Variants in SEC24A observed in about 807,000 individuals in gnomAD.
SEC24A encodes the protein SEC24 homolog A, COPII component.
SEC24A carries 93 observed loss-of-function variants against 129.4 expected under a neutral mutation model. The observed-to-expected ratio is 0.72, with a 90% confidence interval of 0.61 to 0.85. SEC24A has a LOEUF of 0.85. Ranked by LOEUF, SEC24A falls within the 40% of genes least tolerant of loss-of-function variation. The pLI, the probability that SEC24A is intolerant of heterozygous loss-of-function variation, is 0.00. For missense variants in SEC24A, 1,264 were observed against 1,307.4 expected, an observed-to-expected ratio of 0.97 and a Z score of 0.51; for synonymous variants, 460 against 467.3, an observed-to-expected ratio of 0.98 and a Z score of 0.20.
rs191348170 is a variant in SEC24A, at chr5:134,708,959, A to G, written c.2727+71A>G. 4.6e-5 allele frequency: 67 copies of G among 1,458,202 alleles called. No individual in the cohort carries two copies. In the Admixed American group the frequency reaches 1.3e-3, roughly 29 times the overall value. The allele number at this position is 1,458,202 out of a possible 1,614,324, so 90.3% of individuals were successfully genotyped here. On this transcript the variant is annotated intron_variant, in intron 18 of 22. Transcript: ENST00000398844. ...TGTGGCCTACACCTGCAATCCCAGC[A>G]CTTTGGGTGGCTGACGTGGGTGGAT...
chr5:134,680,069 G>A (rs1436475686), intron 8 of SEC24A, among the ~76,000 whole-genome samples: 1 of 152,112 alleles, frequency 6.6e-6, no homozygotes, highest in Admixed American at 6.6e-5. Flanking sequence ...TCTCTAGGGT[G>A]AAAGAAAATA....
At chr5:134,668,736 A>C (rs548888827) in intron 3 of SEC24A, among the ~76,000 whole-genome samples, 19 of 149,964 alleles carry the variant, frequency 1.3e-4, no homozygotes, top group South Asian at 2.1e-4. Context: ...CACACACACA[A>C]AAAAAACCAA....
chr5:134,705,072 A>T (rs867474294), intron 16 of SEC24A, among the ~76,000 whole-genome samples: 38 of 104,968 alleles, frequency 3.6e-4, no homozygotes, highest in South Asian at 5.6e-4. Context: ...ATTTATATTT[A>T]TATATATATA....
Position 134,705,629 on chromosome 5 carries a change from T to G in SEC24A, c.2551+192T>G, listed in dbSNP as rs184010539. ...TTTTTGTTTGTTTATTTAAACAAATTTATTGAGATATAATTACATACCATA... is the reference window on the plus strand; with the variant it reads ...TTTTTGTTTGTTTATTTAAACAAATGTATTGAGATATAATTACATACCATA... On this transcript the variant is annotated intron_variant, in intron 17 of 22. Coordinates refer to ENST00000398844, the MANE Select transcript of SEC24A (RefSeq NM_021982.3). Among the ~76,000 whole-genome samples the G allele has an allele frequency of 7.8e-4, 119 of 152,280 alleles. No individual in the cohort carries two copies. In the East Asian group the frequency reaches 0.02, roughly 25 times the overall value.
chr5:134,664,205 TGAACCTTCAAA>T (rs1057147846), intron 2 of SEC24A, among the ~76,000 whole-genome samples: 108 of 152,352 alleles, frequency 7.1e-4, no homozygotes, highest in African/African-American at 2.5e-3. Context: ...TTTTCTCATT[TGAACCTTCAAA>T]GAACCTTCAA....
chr5:134,697,801 G>T, intron 14 of SEC24A, 98 bp from the exon 15 acceptor site: 1 of 1,253,480 alleles, frequency 8.0e-7, no homozygotes. Flanking sequence ...AGTTTACCTT[G>T]GAAAGTTAAA....
rs1046038708 is a variant in SEC24A, at chr5:134,661,693, T to A, written c.565+107T>A. 9 of 907,538 alleles carry A rather than the reference T, an allele frequency of 9.9e-6. No homozygotes were observed. In the Admixed American group the frequency reaches 2.3e-4, roughly 24 times the overall value. 56.2% of individuals were successfully genotyped at this position (907,538 alleles called of 1,614,324 possible). A position where few individuals can be genotyped will look rare whatever the true frequency, so the allele number is the denominator to read the frequency against. On this transcript the variant is annotated intron_variant, in intron 2 of 22. Transcript: ENST00000398844. ...TGAAAACCATATGGAAAATGTGACT[T>A]TTAAAATTATTAGTAGTTTTTTGTT...
rs1286027675 is a variant in SEC24A at position 134,682,386 on chromosome 5, C to T, written c.1395C>T (p.Phe465=). ...AACTTTATATAGTTCCTGAAGAATTCTTGTACAACCCTTTGACCAGAGTTT... is the reference window on the plus strand; with the variant it reads ...AACTTTATATAGTTCCTGAAGAATTTTTGTACAACCCTTTGACCAGAGTTT... ...CYRVNDVPEE[F]LYNPLTRVYG... The change falls in exon 9 of 23, where the codon TTC becomes TTT. Residue 465 remains phenylalanine (F), a synonymous_variant. Coordinates refer to ENST00000398844, the MANE Select transcript of SEC24A (RefSeq NM_021982.3). 7 of 1,581,782 alleles carry T rather than the reference C, an allele frequency of 4.4e-6. No homozygotes were observed. Among genetic ancestry groups the T allele is most frequent in the Non-Finnish European group, 6.1e-6 (7 of 1,153,766 alleles).
At chr5:134,693,281 G>A in intron 12 of SEC24A, 1 of 1,411,818 alleles carries the variant, frequency 7.1e-7, no homozygotes, top group Non-Finnish European at 9.2e-7. Flanking sequence ...ACCTGTAAAG[G>A]TAGTTGTTTT....
intron 7 of SEC24A, among the ~76,000 whole-genome samples, chr5:134,678,464 T>TC (rs1261788169): frequency 6.6e-6 from 1 of 151,730 alleles, no homozygotes; most frequent in East Asian, 1.9e-4. Flanking sequence ...ATTTAAAAAC[T>TC]CTTTTTTTTT....
At chr5:134,713,472 G>T (rs549262351) in intron 18 of SEC24A, among the ~76,000 whole-genome samples, 1 of 151,984 alleles carries the variant, frequency 6.6e-6, no homozygotes, top group South Asian at 2.1e-4. Flanking sequence ...TCCCTTAATA[G>T]GATGTAAGCT....
chr5:134,675,983 T>G, intron 6 of SEC24A, 40 bp from the exon 7 acceptor site: 1 of 1,374,024 alleles, frequency 7.3e-7, no homozygotes, highest in Non-Finnish European at 1.0e-6. Flanking sequence ...TCAAAAATAA[T>G]CATAGCAGCA....
chr5:134,703,473 A>G (rs1376054014), intron 15 of SEC24A, among the ~76,000 whole-genome samples: 1 of 152,026 alleles, frequency 6.6e-6, no homozygotes, highest in African/African-American at 2.4e-5. Context: ...TCACCATGTT[A>G]TTGGCCAGGC....
At chr5:134,710,393 C>T (rs1752287962) in intron 18 of SEC24A, among the ~76,000 whole-genome samples, 1 of 151,916 alleles carries the variant, frequency 6.6e-6, no homozygotes, top group Non-Finnish European at 1.5e-5. Context: ...CACCACACCC[C>T]AGCTAATTTT....
intron 20 of SEC24A, among the ~76,000 whole-genome samples, chr5:134,718,923 T>C (rs1055531765): frequency 6.6e-6 from 1 of 150,820 alleles, no homozygotes; most frequent in African/African-American, 2.4e-5. Flanking sequence ...TGAGCCAAGA[T>C]TGCACCACTG....
rs916460607 is a variant in SEC24A, at chr5:134,682,712, C to T, written c.1491+230C>T. Among the ~76,000 whole-genome samples, 4 of 150,612 alleles carry T rather than the reference C, an allele frequency of 2.7e-5. No individual in the cohort carries two copies. The South Asian group carries it at 8.5e-4, about 32-fold the overall frequency. On this transcript the variant is annotated intron_variant, in intron 9 of 22. Transcript: ENST00000398844. ...ACCTCAGCCTCCTGAGTAGCTGGGG[C>T]TATAGGCACGCACCACCACACCTGG... is the stretch of plus-strand genomic sequence containing the variant.
chr5:134,674,937 A>G (rs1751006006), intron 5 of SEC24A, 108 bp from the exon 6 acceptor site: 2 of 1,177,574 alleles, frequency 1.7e-6, no homozygotes, highest in African/African-American at 1.6e-5. Flanking sequence ...TCCAGAACCA[A>G]AAGATTGGCC....
chr5:134,686,359 C>T (rs780417030), intron 9 of SEC24A, among the ~76,000 whole-genome samples: 2 of 151,884 alleles, frequency 1.3e-5, no homozygotes, highest in Admixed American at 6.6e-5. Flanking sequence ...CTCAGCCTCC[C>T]GAGAGTAGCT....
intron 6 of SEC24A, 121 bp downstream of exon 6, chr5:134,675,338 A>G (rs1751023216): frequency 1.4e-6 from 1 of 705,646 alleles, no homozygotes; most frequent in African/African-American, 1.8e-5. Context: ...CTGGATACAG[A>G]TGATAGAACT....
Sources: allele counts gnomAD v4.1 joint callset (sites outside exome capture counted in the v4.1 genomes callset), GRCh38; gene constraint gnomAD v4.1.1; transcripts MANE v1.5; gene names NCBI Gene and HGNC (gene_info 2026-07-23, HGNC 2026-07-21).